The following LRMDA variants were observed in gnomAD, a reference collection of about 807,000 sequenced individuals.
LRMDA encodes leucine-rich melanocyte differentiation-associated protein.
In LRMDA, 18 loss-of-function variants were observed where a neutral mutation model predicts 29.8. That is an observed-to-expected ratio of 0.60 (90% CI 0.42 to 0.90). The LOEUF (loss-of-function observed/expected upper bound fraction) is 0.90. Among genes scored for constraint, LRMDA ranks in the 40% least tolerant of loss-of-function variants. The pLI is 0.00. For missense variants in LRMDA, 273 were observed against 273.9 expected, an observed-to-expected ratio of 1.00 and a Z score of 0.02; for synonymous variants, 125 against 109.4, an observed-to-expected ratio of 1.14 and a Z score of -0.89.
At chr10:75,663,074 A>G (rs889753368) in intron 2 of LRMDA, among the ~76,000 whole-genome samples, 3 of 152,154 alleles carry the variant, frequency 2.0e-5, no homozygotes, top group African/African-American at 7.2e-5. Context: ...TTCTCTCTGA[A>G]GGCCATGGAT....
Position 76,220,606 on chromosome 10 carries a change from C to A in LRMDA, c.517-103795C>A, listed in dbSNP as rs563782878. On this transcript the variant is annotated intron_variant, in intron 5 of 6. Transcript: ENST00000611255. ...AATCTCTGAATAGACCAATAACAGGCTCTGAAATTGTGGCAATAATCAATA... is the reference window on the plus strand; with the variant it reads ...AATCTCTGAATAGACCAATAACAGGATCTGAAATTGTGGCAATAATCAATA... 1.1e-3 allele frequency among the ~76,000 whole-genome samples: 161 copies of A among 152,228 alleles called. 1 individual carries two copies. The highest frequency in any genetic ancestry group is 0.01 in the Middle Eastern group (3 of 294).
intron 6 of LRMDA, among the ~76,000 whole-genome samples, chr10:76,499,013 C>G (rs201063993): frequency 0.38 from 42 of 112 alleles, 12 homozygotes; most frequent in African/African-American, 0.39. Context: ...TAAGCATGAT[C>G]ATCATCATCA....
At chr10:75,958,075 C>T (rs978751376) in intron 2 of LRMDA, among the ~76,000 whole-genome samples, 6 of 152,086 alleles carry the variant, frequency 3.9e-5, no homozygotes, top group South Asian at 2.1e-4. Context: ...GTAGCCTGTG[C>T]GCCTTGCTGA....
intron 5 of LRMDA, among the ~76,000 whole-genome samples, chr10:76,195,411 C>T (rs554038032): frequency 2.0e-5 from 3 of 152,150 alleles, no homozygotes; most frequent in East Asian, 1.9e-4. Context: ...ATTCATTTGT[C>T]CATCTAATTA....
At chr10:76,304,249 G>A (rs1347750516) in intron 5 of LRMDA, among the ~76,000 whole-genome samples, 1 of 152,178 alleles carries the variant, frequency 6.6e-6, no homozygotes, top group Non-Finnish European at 1.5e-5. Flanking sequence ...GGTCCCTCCT[G>A]CCAGATCCCA....
At chr10:75,612,862 A>T (rs1172606777) in intron 2 of LRMDA, among the ~76,000 whole-genome samples, 2 of 151,796 alleles carry the variant, frequency 1.3e-5, no homozygotes, top group Non-Finnish European at 2.9e-5. Context: ...GACATTTTTC[A>T]AAGTATTAAC....
intron 2 of LRMDA, among the ~76,000 whole-genome samples, chr10:75,890,617 G>A (rs1021432766): frequency 3.3e-5 from 5 of 152,194 alleles, no homozygotes; most frequent in African/African-American, 1.2e-4. Context: ...GTGTATATGT[G>A]TGGGGGTCAT....
chr10:75,772,223 C>T (rs1843250130), intron 2 of LRMDA, among the ~76,000 whole-genome samples: 1 of 152,178 alleles, frequency 6.6e-6, no homozygotes, highest in African/African-American at 2.4e-5. Flanking sequence ...ATTGTGCAAT[C>T]ATTAAAGTTG....
At chr10:75,499,653 A>G (rs1439486356) in intron 2 of LRMDA, among the ~76,000 whole-genome samples, 1 of 152,202 alleles carries the variant, frequency 6.6e-6, no homozygotes, top group Non-Finnish European at 1.5e-5. Flanking sequence ...TCCCAGTACC[A>G]AAACTTGGGC....
chr10:76,431,162 G>GA (rs1471605341), intron 6 of LRMDA, among the ~76,000 whole-genome samples: 2 of 151,778 alleles, frequency 1.3e-5, no homozygotes, highest in African/African-American at 4.8e-5. Flanking sequence ...CATCTGGGTG[G>GA]AAAAAAAAGA....
intron 2 of LRMDA, among the ~76,000 whole-genome samples, chr10:75,668,407 A>G (rs1364808312): frequency 6.6e-6 from 1 of 152,178 alleles, no homozygotes; most frequent in Non-Finnish European, 1.5e-5. Context: ...AAGGCCTGCC[A>G]TGAGAACAGA....
intron 2 of LRMDA, among the ~76,000 whole-genome samples, chr10:75,544,364 A>G (rs1037179929): frequency 6.6e-6 from 1 of 152,228 alleles, no homozygotes; most frequent in Non-Finnish European, 1.5e-5. Context: ...ACTATCTCAC[A>G]AAATTTATTT....
At chr10:75,844,743 G>T (rs185067201) in intron 2 of LRMDA, among the ~76,000 whole-genome samples, 2 of 152,148 alleles carry the variant, frequency 1.3e-5, no homozygotes, top group Admixed American at 6.5e-5. Context: ...AACAAATAGC[G>T]TCTGATCATT....
chr10:75,821,717 C>T (rs548906493), intron 2 of LRMDA, among the ~76,000 whole-genome samples: 52 of 151,806 alleles, frequency 3.4e-4, no homozygotes, highest in Non-Finnish European at 5.7e-4. Context: ...TGCAGTGAGC[C>T]GAGATCACGC....
chr10:76,007,422 T>C (rs7069033), intron 2 of LRMDA, among the ~76,000 whole-genome samples: 9,076 of 152,212 alleles, frequency 0.06, 807 homozygotes, highest in African/African-American at 0.2. Context: ...GGAGCAGGGC[T>C]ACAGGGTCAC....
chr10:76,002,576 C>A (rs1432081769), intron 2 of LRMDA, among the ~76,000 whole-genome samples: 2 of 152,174 alleles, frequency 1.3e-5, no homozygotes, highest in Non-Finnish European at 2.9e-5. Flanking sequence ...AAGGGTCCAG[C>A]ACCCAGTAGG....
chr10:75,591,658 G>A (rs189084240), intron 2 of LRMDA, among the ~76,000 whole-genome samples: 1 of 152,270 alleles, frequency 6.6e-6, no homozygotes, highest in Non-Finnish European at 1.5e-5. Flanking sequence ...CCCCGTAATC[G>A]GGAATCCTCA....
rs201708028 is a variant in LRMDA at position 76,385,594 on chromosome 10, C to G, written c.601+61109C>G. ...CTTGTGTCCCGAATCTCTTTACTAACATGCCATCTTGCTGCTTCTGTTTGG... is the reference window on the plus strand; with the variant it reads ...CTTGTGTCCCGAATCTCTTTACTAAGATGCCATCTTGCTGCTTCTGTTTGG... On this transcript the variant is annotated intron_variant, in intron 6 of 6. Transcript: ENST00000611255. Among the ~76,000 whole-genome samples the G allele has an allele frequency of 2.6e-5, 4 of 152,224 alleles. No individual in the cohort carries two copies. The East Asian group carries it at 7.7e-4, about 29-fold the overall frequency.
At chr10:76,401,962 G>A (rs957699514) in intron 6 of LRMDA, among the ~76,000 whole-genome samples, 2 of 151,996 alleles carry the variant, frequency 1.3e-5, no homozygotes, top group South Asian at 2.1e-4. Context: ...GGGGTCGGGG[G>A]AAACAGCAAA....
Sources: allele counts gnomAD v4.1 joint callset (sites outside exome capture counted in the v4.1 genomes callset), GRCh38; gene constraint gnomAD v4.1.1; transcripts MANE v1.5; gene names NCBI Gene and HGNC (gene_info 2026-07-23, HGNC 2026-07-21).